Variants in CDH13 observed in about 807,000 individuals in gnomAD.
CDH13 encodes cadherin 13.
A neutral mutation model predicts 63.8 loss-of-function variants in CDH13; 24 were observed. That is an observed-to-expected ratio of 0.38 (90% confidence interval 0.27 to 0.53). The LOEUF (loss-of-function observed/expected upper bound fraction) is 0.53. CDH13 is among the 20% of genes least tolerant of loss of function. The probability of loss-of-function intolerance (pLI) is 0.85; values close to 1 mark genes in which losing one functional copy is unlikely to be tolerated. For missense variants in CDH13, 1,049 were observed against 903.1 expected (o/e 1.16, Z -2.07); for synonymous variants, 503 against 355.3 (o/e 1.42, Z -4.67).
intron 1 of CDH13, among the ~76,000 whole-genome samples, chr16:82,796,902 G>C (rs1267201845): frequency 6.6e-6 from 1 of 152,192 alleles, no homozygotes; most frequent in Non-Finnish European, 1.5e-5. Flanking sequence ...TGTGTACTGG[G>C]AGACTATTGA....
chr16:83,479,642 G>A (rs1303699180), intron 6 of CDH13, among the ~76,000 whole-genome samples: 1 of 115,670 alleles, frequency 8.6e-6, no homozygotes, highest in Non-Finnish European at 1.8e-5. Context: ...GGTGGACTGA[G>A]TGAGACTCCG....
intron 5 of CDH13, among the ~76,000 whole-genome samples, chr16:83,297,016 A>C (rs974005147): frequency 2.6e-5 from 4 of 152,182 alleles, no homozygotes; most frequent in African/African-American, 9.7e-5. Flanking sequence ...GCTCTGAAGA[A>C]GATGGAATGA....
intron 4 of CDH13, among the ~76,000 whole-genome samples, chr16:83,130,160 AC>A (rs1325352961): frequency 2.0e-5 from 3 of 152,240 alleles, no homozygotes; most frequent in African/African-American, 7.2e-5. Context: ...CAATATCAGC[AC>A]ATAGTCATTA....
At chr16:83,151,395 A>G (rs2036973675) in intron 4 of CDH13, among the ~76,000 whole-genome samples, 1 of 152,126 alleles carries the variant, frequency 6.6e-6, no homozygotes, top group South Asian at 2.1e-4. Context: ...TTTCCAACCA[A>G]CTCAGCCAGT....
chr16:82,710,185 A>G (rs1209101300), intron 1 of CDH13, among the ~76,000 whole-genome samples: 4 of 144,770 alleles, frequency 2.8e-5, no homozygotes, highest in Non-Finnish European at 6.0e-5. Context: ...TTTATAAATT[A>G]AATTTATTAT....
chr16:83,739,620 G>C (rs1356867491), intron 10 of CDH13, among the ~76,000 whole-genome samples: 1 of 152,152 alleles, frequency 6.6e-6, no homozygotes, highest in Non-Finnish European at 1.5e-5. Context: ...GCAACTAAAG[G>C]GATGGGAATG....
chr16:83,526,332 C>A (rs374238905), intron 7 of CDH13, among the ~76,000 whole-genome samples: 17 of 152,148 alleles, frequency 1.1e-4, no homozygotes, highest in African/African-American at 4.1e-4. Context: ...AGTCCGCAAC[C>A]TTTTTGGCAC....
intron 1 of CDH13, among the ~76,000 whole-genome samples, chr16:82,630,594 T>G (rs754712444): frequency 6.6e-6 from 1 of 152,220 alleles, no homozygotes; most frequent in Non-Finnish European, 1.5e-5. Flanking sequence ...AATAACTGCA[T>G]TATCTAAAAG....
At chr16:82,922,599 G>A (rs1187214924) in intron 2 of CDH13, among the ~76,000 whole-genome samples, 2 of 152,100 alleles carry the variant, frequency 1.3e-5, no homozygotes, top group Non-Finnish European at 2.9e-5. Context: ...TCAAAACTCA[G>A]GATCTTAACA....
intron 5 of CDH13, among the ~76,000 whole-genome samples, chr16:83,258,773 A>G (rs985518983): frequency 2.6e-5 from 4 of 152,340 alleles, no homozygotes; most frequent in African/African-American, 7.2e-5. Flanking sequence ...AATTGAGTTA[A>G]TTAAAAGTTA....
At chr16:82,911,829 A>C (rs1030064179) in intron 2 of CDH13, among the ~76,000 whole-genome samples, 1 of 152,032 alleles carries the variant, frequency 6.6e-6, no homozygotes, top group Non-Finnish European at 1.5e-5. Flanking sequence ...CAAATTCCCC[A>C]AAAGCCCCGT....
intron 1 of CDH13, among the ~76,000 whole-genome samples, chr16:82,737,354 A>G (rs2033725276): frequency 6.6e-6 from 1 of 152,166 alleles, no homozygotes; most frequent in Non-Finnish European, 1.5e-5. Context: ...CAACTCATCC[A>G]TCACTATATT....
chr16:83,363,278 G>A (rs1307772527), intron 6 of CDH13, among the ~76,000 whole-genome samples: 1 of 152,214 alleles, frequency 6.6e-6, no homozygotes, highest in Non-Finnish European at 1.5e-5. Flanking sequence ...TGGCATCTCT[G>A]TGAGTCTTTG....
At chr16:83,703,775 A>T (rs1598519030) in intron 10 of CDH13, among the ~76,000 whole-genome samples, 1 of 152,168 alleles carries the variant, frequency 6.6e-6, no homozygotes, top group East Asian at 1.9e-4. Flanking sequence ...ACTCCCTCAG[A>T]GGTACTATGT....
chr16:83,081,333 A>C (rs4453471), intron 3 of CDH13, among the ~76,000 whole-genome samples: 18,743 of 152,146 alleles, frequency 0.12, 1,386 homozygotes, highest in Non-Finnish European at 0.16. Context: ...TCAGAGGCCT[A>C]CTAGTATACA....
intron 10 of CDH13, among the ~76,000 whole-genome samples, chr16:83,733,112 A>G (rs142587295): frequency 1.3e-5 from 2 of 152,318 alleles, no homozygotes; most frequent in Non-Finnish European, 2.9e-5. Context: ...CTAACAGAAT[A>G]CTGGGAAGAT....
intron 7 of CDH13, among the ~76,000 whole-genome samples, chr16:83,541,086 T>C (rs2075288539): frequency 6.6e-6 from 1 of 152,096 alleles, no homozygotes. Context: ...CCCCAGGTCA[T>C]ATGGCAGTCT....
intron 3 of CDH13, among the ~76,000 whole-genome samples, chr16:83,069,172 G>C (rs2032249828): frequency 6.6e-6 from 1 of 151,940 alleles, no homozygotes; most frequent in Admixed American, 6.6e-5. Flanking sequence ...AATTATTTTT[G>C]TCAATGCGCA....
intron 6 of CDH13, among the ~76,000 whole-genome samples, chr16:83,360,029 G>C (rs978600533): frequency 2.6e-5 from 4 of 152,184 alleles, no homozygotes; most frequent in Non-Finnish European, 5.9e-5. Flanking sequence ...AGAGTACATA[G>C]TACGTGATCC....
Sources: gnomAD v4.1 joint callset for allele counts (sites outside exome capture counted in the v4.1 genomes callset) on GRCh38, gnomAD v4.1.1 for gene constraint, MANE v1.5 for transcripts, NCBI Gene and HGNC (gene_info 2026-07-23, HGNC 2026-07-21) for gene names.